The following MBNL1 variants were observed in gnomAD, a reference collection of about 807,000 sequenced individuals.
MBNL1 encodes muscleblind-like protein 1.
A neutral mutation model predicts 42.2 loss-of-function variants in MBNL1; 8 were observed. The observed-to-expected ratio is 0.19, with a 90% confidence interval of 0.11 to 0.34. The LOEUF (loss-of-function observed/expected upper bound fraction) is 0.34, where lower values mean the gene tolerates loss of function less well. Among genes scored for constraint, MBNL1 ranks in the 10% least tolerant of loss-of-function variants. The probability of loss-of-function intolerance (pLI) is 1.00; values close to 1 mark genes in which losing one functional copy is unlikely to be tolerated. For synonymous variants in MBNL1, 169 were observed against 173.9 expected (o/e 0.97, Z 0.22); for missense variants, 309 against 495.3 (o/e 0.62, Z 3.57).
At chr3:152,319,073 A>ATG (rs1179150588) in intron 2 of MBNL1, among the ~76,000 whole-genome samples, 1 of 152,198 alleles carries the variant, frequency 6.6e-6, no homozygotes, top group African/African-American at 2.4e-5. Context: ...GGAGAGACAA[A>ATG]TCAGTGAGTA....
At chr3:152,306,684 T>G in intron 2 of MBNL1, among the ~76,000 whole-genome samples, 1 of 152,142 alleles carries the variant, frequency 6.6e-6, no homozygotes, top group Middle Eastern at 3.2e-3. Flanking sequence ...GTCTGGTAGG[T>G]AAGACAGAAG....
At chr3:152,385,223 G>A (rs1217593091) in intron 2 of MBNL1, among the ~76,000 whole-genome samples, 1 of 151,872 alleles carries the variant, frequency 6.6e-6, no homozygotes, top group Non-Finnish European at 1.5e-5. Context: ...ATTTCTTCTT[G>A]TATTGAGGCC....
chr3:152,289,857 G>A (rs1454068092), intron 1 of MBNL1, among the ~76,000 whole-genome samples: 1 of 151,978 alleles, frequency 6.6e-6, no homozygotes, highest in Non-Finnish European at 1.5e-5. Flanking sequence ...CTGATTATAT[G>A]GAATGGAGGA....
intron 4 of MBNL1, among the ~76,000 whole-genome samples, chr3:152,439,590 T>C (rs189341758): frequency 5.3e-5 from 8 of 152,338 alleles, no homozygotes; most frequent in Non-Finnish European, 1.2e-4. Flanking sequence ...TTAGAATGGC[T>C]CTTAAAAATG....
At chr3:152,340,892 G>A in intron 2 of MBNL1, 4 of 1,611,046 alleles carry the variant, frequency 2.5e-6, no homozygotes, top group Non-Finnish European at 3.4e-6. Context: ...TGTGGGCCAG[G>A]GTCCATCTGC....
At chr3:152,437,777 CTT>C (rs5853584) in intron 4 of MBNL1, among the ~76,000 whole-genome samples, 4 of 145,330 alleles carry the variant, frequency 2.8e-5, no homozygotes, top group Non-Finnish European at 4.5e-5. Flanking sequence ...AAAATTCATA[CTT>C]TTTTTTTTTT....
At chr3:152,356,481 G>A (rs1578569162) in intron 2 of MBNL1, among the ~76,000 whole-genome samples, 1 of 152,260 alleles carries the variant, frequency 6.6e-6, no homozygotes, top group East Asian at 1.9e-4. Flanking sequence ...AAAATGTCCT[G>A]ATTTATTTAT....
At chr3:152,356,217 C>T (rs2095505629) in intron 2 of MBNL1, among the ~76,000 whole-genome samples, 1 of 151,124 alleles carries the variant, frequency 6.6e-6, no homozygotes, top group Non-Finnish European at 1.5e-5. Context: ...AACAAATATC[C>T]CAGCACACTT....
intron 2 of MBNL1, chr3:152,340,580 C>T: frequency 6.2e-7 from 1 of 1,613,754 alleles, no homozygotes; most frequent in Middle Eastern, 1.7e-4. Context: ...AGGATCTGTT[C>T]ACCATACATA....
Position 152,447,706 on chromosome 3 carries a change from T to C in MBNL1, c.894T>C (p.Gly298=), listed in dbSNP as rs757061425. Residue 298 remains glycine (G), a synonymous_variant, in exon 6 of 10, where the codon GGT becomes GGC. Coordinates refer to ENST00000324210, the MANE Select transcript of MBNL1 (RefSeq NM_021038.5). ...GTGCCACCGCAGTCTTTAACACTGG[T>C]ATTTTCCAATACCAACAGGCTCTAG... The part of the protein sequence containing the change: ...TNGATAVFNT[G]IFQYQQALAN... The C allele has an allele frequency of 2.5e-6, 4 of 1,613,848 alleles. No homozygotes were observed. The highest frequency in any genetic ancestry group is 2.5e-6 in the Non-Finnish European group (3 of 1,179,778).
rs138544012 is a variant in MBNL1, at chr3:152,295,751, G to A, written c.-789-3654G>A. On this transcript the variant is annotated intron_variant, in intron 1 of 9. Coordinates refer to ENST00000324210, the MANE Select transcript of MBNL1 (RefSeq NM_021038.5). ...TAAACAAGGAGAAGGAATTTGCCAAGTTGCAGGGGTGAGGAAGTGTGTGTC... is the reference window on the plus strand; with the variant it reads ...TAAACAAGGAGAAGGAATTTGCCAAATTGCAGGGGTGAGGAAGTGTGTGTC... Among the ~76,000 whole-genome samples, 372 of 152,318 alleles carry A rather than the reference G, an allele frequency of 2.4e-3. 2 individuals carry two copies. The highest frequency in any genetic ancestry group is 7.0e-3 in the South Asian group (34 of 4,828).
At chr3:152,245,650 C>G (rs902801633) in intron 2 of MBNL1, among the ~76,000 whole-genome samples, 4 of 152,068 alleles carry the variant, frequency 2.6e-5, no homozygotes, top group African/African-American at 9.7e-5. Context: ...GTAAATGGTG[C>G]TGTTATTACT....
At chr3:152,350,532 G>A (rs915088992) in intron 2 of MBNL1, among the ~76,000 whole-genome samples, 1 of 152,172 alleles carries the variant, frequency 6.6e-6, no homozygotes, top group Admixed American at 6.6e-5. Flanking sequence ...AATAGTGGAA[G>A]CATGTCTTTT....
intron 2 of MBNL1, among the ~76,000 whole-genome samples, chr3:152,325,083 A>ACCCACCCCCCC: frequency 3.8e-5 from 1 of 26,008 alleles, no homozygotes; most frequent in Non-Finnish European, 7.6e-5. Flanking sequence ...AATGCCACAT[A>ACCCACCCCCCC]CCCGCCCCCC....
intron 3 of MBNL1, among the ~76,000 whole-genome samples, chr3:152,424,349 A>G (rs544896772): frequency 2.6e-5 from 4 of 152,324 alleles, no homozygotes; most frequent in Admixed American, 6.5e-5. Context: ...TAAATTACCT[A>G]TGGATATAAT....
At chr3:152,263,510 T>G (rs1193413657), upstream of MBNL1, 1 of 152,188 alleles carries the variant, frequency 6.6e-6, no homozygotes, top group Non-Finnish European at 1.5e-5. Flanking sequence ...TAAGGTTTGT[T>G]GTACCCCATT....
chr3:152,386,519 A>G (rs531925145), intron 2 of MBNL1, among the ~76,000 whole-genome samples: 10 of 152,216 alleles, frequency 6.6e-5, no homozygotes, highest in African/African-American at 2.4e-4. Flanking sequence ...TCACAAAGTA[A>G]AAGTTAGATT....
chr3:152,315,409 A>G (rs1478782306), intron 2 of MBNL1, among the ~76,000 whole-genome samples: 1 of 152,192 alleles, frequency 6.6e-6, no homozygotes, highest in Non-Finnish European at 1.5e-5. Context: ...AGAAAAAATA[A>G]CAAGCAAGAT....
chr3:152,431,947 G>C (rs2099013055), intron 3 of MBNL1, among the ~76,000 whole-genome samples: 1 of 152,200 alleles, frequency 6.6e-6, no homozygotes, highest in African/African-American at 2.4e-5. Context: ...ATTTCTGGAA[G>C]AAATTCTGTC....
Sources: gnomAD v4.1 joint callset for allele counts (sites outside exome capture counted in the v4.1 genomes callset) on GRCh38, gnomAD v4.1.1 for gene constraint, MANE v1.5 for transcripts, NCBI Gene and HGNC (gene_info 2026-07-23, HGNC 2026-07-21) for gene names.